The following DPYD variants were observed in gnomAD, a reference collection of about 807,000 sequenced individuals.
DPYD encodes dihydropyrimidine dehydrogenase, also known as dihydropyrimidine dehydrogenase [NADP(+)].
Under a neutral mutation model 116.2 loss-of-function variants are expected in DPYD, and 109 were observed. That is an observed-to-expected ratio of 0.94 (90% confidence interval 0.80 to 1.10). DPYD has a LOEUF of 1.10. Among genes scored for constraint, DPYD ranks in the 50% least tolerant of loss-of-function variants. The probability of loss-of-function intolerance (pLI) is 0.00; values close to 1 mark genes in which losing one functional copy is unlikely to be tolerated. For synonymous variants in DPYD, 440 were observed against 432.0 expected, an observed-to-expected ratio of 1.02 and a Z score of -0.23; for missense variants, 1,302 against 1,254.5, an observed-to-expected ratio of 1.04 and a Z score of -0.57.
intron 1 of DPYD, among the ~76,000 whole-genome samples, chr1:97,900,399 T>C (rs558576381): frequency 6.6e-6 from 1 of 151,882 alleles, no homozygotes; most frequent in Non-Finnish European, 1.5e-5. Flanking sequence ...GGTGGTCAAC[T>C]AGGTATGGGA....
chr1:97,237,289 T>C (rs1404838158), intron 18 of DPYD, among the ~76,000 whole-genome samples: 1 of 151,672 alleles, frequency 6.6e-6, no homozygotes, highest in Admixed American at 6.6e-5. Context: ...GCTTTCTTTT[T>C]ATCCTGTTCA....
At chr1:97,436,485 A>G (rs1675478977) in intron 14 of DPYD, among the ~76,000 whole-genome samples, 1 of 151,896 alleles carries the variant, frequency 6.6e-6, no homozygotes, top group African/African-American at 2.4e-5. Flanking sequence ...TCTCTTTCAC[A>G]TGGTTCAGTG....
intron 18 of DPYD, among the ~76,000 whole-genome samples, chr1:97,243,638 G>T (rs1005319829): frequency 6.6e-6 from 1 of 151,680 alleles, no homozygotes; most frequent in Non-Finnish European, 1.5e-5. Context: ...AATTAATAAA[G>T]ATATATTATC....
At chr1:97,522,888 T>A (rs1290684736) in intron 12 of DPYD, among the ~76,000 whole-genome samples, 1 of 152,188 alleles carries the variant, frequency 6.6e-6, no homozygotes, top group African/African-American at 2.4e-5. Context: ...AACATTTTTA[T>A]CTTTAATAAT....
chr1:97,899,113 A>G (rs1261120702), intron 1 of DPYD, among the ~76,000 whole-genome samples: 1 of 149,342 alleles, frequency 6.7e-6, no homozygotes, highest in Non-Finnish European at 1.5e-5. Context: ...TTTTTTTTTT[A>G]ATGCCAAAGG....
At chr1:97,399,564 T>C (rs1204219417) in intron 14 of DPYD, among the ~76,000 whole-genome samples, 2 of 152,224 alleles carry the variant, frequency 1.3e-5, no homozygotes, top group East Asian at 1.9e-4. Context: ...ACGATATTTA[T>C]TCTTCCTGTC....
rs573797087 is a variant in DPYD, at chr1:97,337,694, T to C, written c.2059-31397A>G. Among the ~76,000 whole-genome samples the C allele has an allele frequency of 3.1e-4, 47 of 151,520 alleles. 1 individual carries two copies. In the South Asian group the frequency reaches 9.2e-3, roughly 30 times the overall value. On this transcript the variant is annotated intron_variant, in intron 16 of 22. Transcript: ENST00000370192. The stretch of plus-strand genomic sequence containing the variant: ...TTGGAATTGGTTTCCAGTTAGGAGA[T>C]TGTCTCAAATGAAAGCAATACAGAT...
At chr1:97,378,897 G>C (rs775933409) in intron 15 of DPYD, among the ~76,000 whole-genome samples, 2 of 152,174 alleles carry the variant, frequency 1.3e-5, no homozygotes, top group South Asian at 4.1e-4. Context: ...AACACAGACA[G>C]AGGTAGATCC....
intron 16 of DPYD, among the ~76,000 whole-genome samples, chr1:97,325,832 C>T (rs1318747130): frequency 6.6e-6 from 1 of 151,664 alleles, no homozygotes; most frequent in Non-Finnish European, 1.5e-5. Context: ...TGCATGGTAT[C>T]ATATGAAATG....
At chr1:97,296,938 TG>T (rs1666574351) in intron 18 of DPYD, among the ~76,000 whole-genome samples, 1 of 152,174 alleles carries the variant, frequency 6.6e-6, no homozygotes, top group Non-Finnish European at 1.5e-5. Flanking sequence ...ATTTAAAAAA[TG>T]CTGAAACAAT....
At chr1:97,584,393 T>G (rs9725575) in intron 10 of DPYD, among the ~76,000 whole-genome samples, 141,803 of 152,004 alleles carry the variant, frequency 0.93, 66,618 homozygotes, top group Non-Finnish European at 0.99. Context: ...TTCTTTTGCT[T>G]TGCAGAAGCT....
At chr1:97,870,209 AAAGAG>A (rs1671588226) in intron 2 of DPYD, among the ~76,000 whole-genome samples, 1 of 151,908 alleles carries the variant, frequency 6.6e-6, no homozygotes, top group African/African-American at 2.4e-5. Context: ...ATTTGAAAGA[AAAGAG>A]AAAATAAAAT....
At chr1:97,911,113 T>C (rs1271915255) in intron 1 of DPYD, among the ~76,000 whole-genome samples, 1 of 152,094 alleles carries the variant, frequency 6.6e-6, no homozygotes, top group African/African-American at 2.4e-5. Flanking sequence ...GGTATCATTT[T>C]ATACATACTC....
At chr1:97,904,352 T>C (rs139610106) in intron 1 of DPYD, among the ~76,000 whole-genome samples, 6 of 152,048 alleles carry the variant, frequency 3.9e-5, no homozygotes, top group African/African-American at 1.4e-4. Flanking sequence ...TTAATCATAA[T>C]GGAAGTGTGG....
intron 14 of DPYD, among the ~76,000 whole-genome samples, chr1:97,447,520 T>C (rs1557718138): frequency 6.6e-6 from 1 of 152,208 alleles, no homozygotes. Context: ...TGTTAGAAAT[T>C]AGTTCTAGGA....
chr1:97,511,559 CTT>C (rs1398405457), intron 13 of DPYD, among the ~76,000 whole-genome samples: 7 of 151,864 alleles, frequency 4.6e-5, no homozygotes, highest in Non-Finnish European at 7.4e-5. Context: ...TAATATTACT[CTT>C]ATTTATTCCA....
At chr1:97,688,304 G>A (rs1297305043) in intron 7 of DPYD, among the ~76,000 whole-genome samples, 3 of 152,004 alleles carry the variant, frequency 2.0e-5, no homozygotes, top group Non-Finnish European at 2.9e-5. Context: ...ATTTAGAGAT[G>A]CAAGAGCAAA....
rs183929186 is a variant in DPYD at position 97,603,451 on chromosome 1, A to G, written c.851-8285T>C. Among the ~76,000 whole-genome samples the G allele has an allele frequency of 1.2e-4, 18 of 152,096 alleles. No individual in the cohort carries two copies. The East Asian group carries it at 3.5e-3, about 29-fold the overall frequency. ...CATTAAAAAAGTAATTAAAACACTT[A>G]TCTCCATCGACATACATAACGGAAA... is the stretch of plus-strand genomic sequence containing the variant. On this transcript the variant is annotated intron_variant, in intron 8 of 22. Transcript: ENST00000370192.
At chr1:97,133,500 A>G (rs1264534433) in intron 20 of DPYD, among the ~76,000 whole-genome samples, 1 of 151,978 alleles carries the variant, frequency 6.6e-6, no homozygotes, top group Non-Finnish European at 1.5e-5. Context: ...TTTCTTCTAC[A>G]TGTACTTTGG....
Sources: allele counts gnomAD v4.1 joint callset (sites outside exome capture counted in the v4.1 genomes callset), GRCh38; gene constraint gnomAD v4.1.1; transcripts MANE v1.5; gene names NCBI Gene and HGNC (gene_info 2026-07-23, HGNC 2026-07-21).